The following CTNND2 variants were observed in gnomAD, a reference collection of about 807,000 sequenced individuals.
CTNND2 encodes the protein catenin delta 2, also known as catenin delta-2.
A neutral mutation model predicts 144.4 loss-of-function variants in CTNND2; 22 were observed. That is an observed-to-expected ratio of 0.15 (90% CI 0.11 to 0.22). The LOEUF is 0.22. CTNND2 is among the 10% of genes least tolerant of loss of function. The probability of loss-of-function intolerance (pLI) is 1.00; values close to 1 mark genes in which losing one functional copy is unlikely to be tolerated. For synonymous variants in CTNND2, 751 were observed against 695.6 expected (o/e 1.08, Z -1.25); for missense variants, 1,353 against 1,618.8 (o/e 0.84, Z 2.82).
intron 3 of CTNND2, among the ~76,000 whole-genome samples, chr5:11,484,263 G>A (rs866755701): frequency 6.6e-6 from 1 of 152,118 alleles, no homozygotes; most frequent in South Asian, 2.1e-4. Context: ...CCATCACCAC[G>A]TCATACAAAT....
chr5:11,557,861 AG>A (rs1409905352), intron 3 of CTNND2, among the ~76,000 whole-genome samples: 1 of 152,206 alleles, frequency 6.6e-6, no homozygotes, highest in Non-Finnish European at 1.5e-5. Context: ...GCTGGGAATG[AG>A]GGAGTTATTG....
At chr5:11,897,207 T>C (rs1245187658) in intron 1 of CTNND2, among the ~76,000 whole-genome samples, 2 of 152,212 alleles carry the variant, frequency 1.3e-5, no homozygotes, top group African/African-American at 2.4e-5. Flanking sequence ...GGTTGCTCTT[T>C]CTGGAAATTA....
chr5:11,075,293 C>T (rs1748823351), intron 16 of CTNND2, among the ~76,000 whole-genome samples: 1 of 152,158 alleles, frequency 6.6e-6, no homozygotes, highest in African/African-American at 2.4e-5. Context: ...GGAGAGAAGG[C>T]ATTGGCTGGA....
intron 1 of CTNND2, among the ~76,000 whole-genome samples, chr5:11,800,261 A>T (rs1232598337): frequency 6.6e-6 from 1 of 152,186 alleles, no homozygotes; most frequent in Non-Finnish European, 1.5e-5. Flanking sequence ...ACCTATCAGT[A>T]AATAGGGAAC....
chr5:11,435,115 CTATTTATTTATT>C (rs71595819), intron 3 of CTNND2, among the ~76,000 whole-genome samples: 3,436 of 146,008 alleles, frequency 0.024, 144 homozygotes, highest in African/African-American at 0.083. Context: ...TTCTTTTTTA[CTATTTATTTATT>C]TATTTATTTA....
chr5:11,707,527 A>G (rs747096212), intron 2 of CTNND2, among the ~76,000 whole-genome samples: 1 of 152,198 alleles, frequency 6.6e-6, no homozygotes, highest in Non-Finnish European at 1.5e-5. Flanking sequence ...GTACCTTTCC[A>G]GCCTCTGTAG....
rs189110000 is a variant in CTNND2, at chr5:11,124,436, C to T, written c.2160-6869G>A. ...AGAATGGGAAATTATGCCAATCATA[C>T]TTTTCTCGATTCCACGAAGCACACT... On this transcript the variant is annotated intron_variant, in intron 12 of 21. Coordinates refer to ENST00000304623, the MANE Select transcript of CTNND2 (RefSeq NM_001332.4). 1.2e-3 allele frequency among the ~76,000 whole-genome samples: 189 copies of T among 152,232 alleles called. 1 individual carries two copies. The highest frequency in any genetic ancestry group is 4.3e-3 in the African/African-American group (180 of 41,538).
chr5:11,025,731 C>T (rs1009091407), intron 16 of CTNND2, among the ~76,000 whole-genome samples: 5 of 152,158 alleles, frequency 3.3e-5, no homozygotes, highest in South Asian at 2.1e-4. Flanking sequence ...AAATTATAAG[C>T]ACTACAACTC....
In CTNND2 at chr5:11,672,184, C is replaced by T. The variant is rs575509467; in HGVS notation, c.174+59952G>A. The stretch of plus-strand genomic sequence containing the variant: ...GTCCCAGAGGGACACCTGCCAGATG[C>T]CAGCCAGAGCTCTCCTGTATGAGGT... On this transcript the variant is annotated intron_variant, in intron 2 of 21. Transcript: ENST00000304623. Among the ~76,000 whole-genome samples the T allele has an allele frequency of 1.2e-4, 19 of 152,298 alleles. No homozygotes were observed. The South Asian group carries it at 3.9e-3, about 32-fold the overall frequency.
intron 2 of CTNND2, among the ~76,000 whole-genome samples, chr5:11,719,877 C>CACACACA (rs1239331733): frequency 7.0e-6 from 1 of 142,812 alleles, no homozygotes. Flanking sequence ...CACACACACA[C>CACACACA]CACAGATCCT....
chr5:11,001,209 A>G (rs930796517), intron 18 of CTNND2, among the ~76,000 whole-genome samples: 1 of 152,044 alleles, frequency 6.6e-6, no homozygotes, highest in African/African-American at 2.4e-5. Context: ...GTCTTTTTCT[A>G]CCTGTTAAAT....
chr5:11,819,530 G>T (rs911006678), intron 1 of CTNND2, among the ~76,000 whole-genome samples: 1 of 152,152 alleles, frequency 6.6e-6, no homozygotes, highest in East Asian at 1.9e-4. Flanking sequence ...TGACACTTAT[G>T]GGGAAGCAAG....
At chr5:11,807,472 G>C (rs972082541) in intron 1 of CTNND2, among the ~76,000 whole-genome samples, 2 of 152,102 alleles carry the variant, frequency 1.3e-5, no homozygotes, top group Non-Finnish European at 2.9e-5. Context: ...TTTGCCCTTA[G>C]TGTTCCACAG....
intron 2 of CTNND2, among the ~76,000 whole-genome samples, chr5:11,708,028 A>G (rs1785803320): frequency 6.6e-6 from 1 of 150,946 alleles, no homozygotes; most frequent in African/African-American, 2.5e-5. Context: ...TATATTGATG[A>G]TTAAAAGTAT....
chr5:11,291,139 C>T lies in CTNND2; in HGVS notation c.1629-54316G>A, dbSNP rs1183505230. On this transcript the variant is annotated intron_variant, in intron 9 of 21. Transcript: ENST00000304623. The stretch of plus-strand genomic sequence containing the variant: ...CACTCCCACACTCCTGACTGCGGTC[C>T]ATATCTACCCTGGGGATTCGTCCAC... 3.3e-5 allele frequency among the ~76,000 whole-genome samples: 5 copies of T among 152,120 alleles called. No homozygotes were observed. In the East Asian group the frequency reaches 7.7e-4, roughly 23 times the overall value.
intron 3 of CTNND2, among the ~76,000 whole-genome samples, chr5:11,545,297 G>A (rs1368067209): frequency 6.6e-6 from 1 of 151,388 alleles, no homozygotes; most frequent in Non-Finnish European, 1.5e-5. Flanking sequence ...ACTCCAGCCT[G>A]GGTGACAGTG....
At chr5:11,010,248 A>C (rs527800533) in intron 18 of CTNND2, among the ~76,000 whole-genome samples, 1 of 152,326 alleles carries the variant, frequency 6.6e-6, no homozygotes, top group East Asian at 1.9e-4. Context: ...TACATTTGGT[A>C]GTTTATTTCT....
At chr5:11,333,758 AG>A in intron 9 of CTNND2, among the ~76,000 whole-genome samples, 1 of 152,302 alleles carries the variant, frequency 6.6e-6, no homozygotes, top group East Asian at 1.9e-4. Context: ...TTTGCTTGAA[AG>A]GGTTTGCTCA....
intron 15 of CTNND2, among the ~76,000 whole-genome samples, chr5:11,093,271 T>C (rs1040896909): frequency 5.3e-5 from 8 of 152,148 alleles, no homozygotes; most frequent in African/African-American, 1.7e-4. Context: ...TCAAGTACAA[T>C]AGAAATAATC....
Sources: allele counts gnomAD v4.1 joint callset (sites outside exome capture counted in the v4.1 genomes callset), GRCh38; gene constraint gnomAD v4.1.1; transcripts MANE v1.5; gene names NCBI Gene and HGNC (gene_info 2026-07-23, HGNC 2026-07-21).